The following ATXN1 variants were observed in gnomAD, a reference collection of about 807,000 sequenced individuals.
ATXN1 encodes ataxin 1.
A neutral mutation model predicts 56.4 loss-of-function variants in ATXN1; 8 were observed. That is an observed-to-expected ratio of 0.14 (90% confidence interval 0.08 to 0.26). The LOEUF (loss-of-function observed/expected upper bound fraction) is 0.26, where lower values mean the gene tolerates loss of function less well. Ranked by LOEUF, ATXN1 falls within the 10% of genes least tolerant of loss-of-function variation. The pLI, the probability that ATXN1 is intolerant of heterozygous loss-of-function variation, is 1.00. For missense variants in ATXN1, 987 were observed against 1,106.5 expected, an observed-to-expected ratio of 0.89 and a Z score of 1.53; for synonymous variants, 514 against 494.6, an observed-to-expected ratio of 1.04 and a Z score of -0.52.
intron 6 of ATXN1, among the ~76,000 whole-genome samples, chr6:16,403,148 CAGAA>C (rs956383700): frequency 6.6e-6 from 1 of 152,308 alleles, no homozygotes; most frequent in East Asian, 1.9e-4. Flanking sequence ...CACATACACT[CAGAA>C]AGACTGGGAC....
intron 5 of ATXN1, among the ~76,000 whole-genome samples, chr6:16,502,345 G>C (rs1760901387): frequency 6.6e-6 from 1 of 152,146 alleles, no homozygotes; most frequent in African/African-American, 2.4e-5. Flanking sequence ...AAATACACTT[G>C]ACAGCCAATC....
chr6:16,712,964 A>G (rs1475950691), intron 2 of ATXN1, among the ~76,000 whole-genome samples: 1 of 152,232 alleles, frequency 6.6e-6, no homozygotes, highest in East Asian at 1.9e-4. Flanking sequence ...AGCTGGCCTC[A>G]GGAACCAGAG....
intron 1 of ATXN1, among the ~76,000 whole-genome samples, chr6:16,758,472 G>A (rs117210970): frequency 2.6e-5 from 4 of 152,346 alleles, no homozygotes; most frequent in East Asian, 3.9e-4. Context: ...CACCTAGGAA[G>A]AACAGCTTGT....
chr6:16,415,951 G>A (rs1267543976), intron 6 of ATXN1, among the ~76,000 whole-genome samples: 1 of 152,000 alleles, frequency 6.6e-6, no homozygotes, highest in Non-Finnish European at 1.5e-5. Flanking sequence ...ATTTTTAATC[G>A]TTTTTTTCCC....
intron 6 of ATXN1, among the ~76,000 whole-genome samples, chr6:16,458,225 C>G (rs1421987234): frequency 2.0e-5 from 3 of 152,156 alleles, no homozygotes; most frequent in Non-Finnish European, 4.4e-5. Flanking sequence ...CCACTGGGAC[C>G]TAGACTCAGA....
chr6:16,373,375 G>A (rs750615074), intron 6 of ATXN1, among the ~76,000 whole-genome samples: 1 of 152,146 alleles, frequency 6.6e-6, no homozygotes, highest in Non-Finnish European at 1.5e-5. Context: ...TGGTTAACAA[G>A]CAATCATTAG....
chr6:16,421,783 C>T (rs150063216), intron 6 of ATXN1, among the ~76,000 whole-genome samples: 11 of 151,870 alleles, frequency 7.2e-5, no homozygotes, highest in African/African-American at 1.2e-4. Context: ...CATGTGCAGG[C>T]GTTGATATGC....
intron 2 of ATXN1, among the ~76,000 whole-genome samples, chr6:16,725,342 C>A (rs1581396253): frequency 6.6e-6 from 1 of 152,068 alleles, no homozygotes; most frequent in African/African-American, 2.4e-5. Context: ...TTTGTTATTG[C>A]GAGTTCCTTA....
At chr6:16,734,394 G>C (rs1271148886) in intron 2 of ATXN1, among the ~76,000 whole-genome samples, 2 of 152,148 alleles carry the variant, frequency 1.3e-5, no homozygotes, top group African/African-American at 2.4e-5. Context: ...ATGATGGTGC[G>C]AGAAAAGAAG....
chr6:16,426,154 T>C (rs1759148913), intron 6 of ATXN1, among the ~76,000 whole-genome samples: 1 of 152,122 alleles, frequency 6.6e-6, no homozygotes, highest in Non-Finnish European at 1.5e-5. Flanking sequence ...GCAAACCTTT[T>C]GAGGACAGAA....
chr6:16,386,528 C>A (rs1015857459), intron 6 of ATXN1, among the ~76,000 whole-genome samples: 3 of 152,138 alleles, frequency 2.0e-5, no homozygotes, highest in Non-Finnish European at 2.9e-5. Context: ...TATGATAAAA[C>A]CAATACATTA....
chr6:16,683,134 T>C (rs1758848867), intron 2 of ATXN1, among the ~76,000 whole-genome samples: 1 of 152,216 alleles, frequency 6.6e-6, no homozygotes, highest in Admixed American at 6.5e-5. Context: ...AAAATAGTTA[T>C]TTACCAAAGA....
intron 3 of ATXN1, among the ~76,000 whole-genome samples, chr6:16,593,724 T>C (rs1186213534): frequency 6.6e-6 from 1 of 152,060 alleles, no homozygotes; most frequent in Non-Finnish European, 1.5e-5. Context: ...TTTCACACAA[T>C]ATTGTTTCTA....
In ATXN1 at chr6:16,440,648, A is replaced by AAAAAAAAAAAAAAAAAAAAAAAAGAAAG. The variant is rs748929817; in HGVS notation, c.-161+45323_-161+45324insCTTTCTTTTTTTTTTTTTTTTTTTTTTT. Reference sequence around the variant, plus strand: ...AGAGTGAGACCCTGTCTTAAAAAAAAAAAAGAAAAGAAAAGAAAAAATTAA... The same window carrying AAAAAAAAAAAAAAAAAAAAAAAAGAAAG: ...AGAGTGAGACCCTGTCTTAAAAAAAAAAAAAAAAAAAAAAAAAAAAAAAGAAAGAAAAGAAAAGAAAAGAAAAAATTAA... On this transcript the variant is annotated intron_variant, in intron 6 of 7. Coordinates refer to ENST00000436367, the MANE Select transcript of ATXN1 (RefSeq NM_001128164.2). Among the ~76,000 whole-genome samples, 102 of 118,516 alleles carry AAAAAAAAAAAAAAAAAAAAAAAAGAAAG rather than the reference A, an allele frequency of 8.6e-4. 2 individuals carry two copies. The highest frequency in any genetic ancestry group is 2.5e-3 in the African/African-American group (70 of 28,018). 77.8% of individuals were successfully genotyped at this position (118,516 alleles called of 152,430 possible).
chr6:16,674,007 T>C (rs1758601674), intron 2 of ATXN1, among the ~76,000 whole-genome samples: 1 of 152,160 alleles, frequency 6.6e-6, no homozygotes, highest in East Asian at 1.9e-4. Flanking sequence ...GTCTGTGTTC[T>C]CTCCATCAGT....
At chr6:16,725,131 T>A (rs981536665) in intron 2 of ATXN1, among the ~76,000 whole-genome samples, 2 of 152,230 alleles carry the variant, frequency 1.3e-5, no homozygotes, top group Non-Finnish European at 2.9e-5. Flanking sequence ...TATAACATGA[T>A]CCCTTGGAAA....
chr6:16,531,908 C>T (rs1487891783), intron 4 of ATXN1, among the ~76,000 whole-genome samples: 2 of 152,158 alleles, frequency 1.3e-5, no homozygotes, highest in Non-Finnish European at 2.9e-5. Flanking sequence ...ATTATATATA[C>T]GGTTCTAAAA....
intron 7 of ATXN1, among the ~76,000 whole-genome samples, chr6:16,318,964 C>A (rs1386863916): frequency 2.0e-5 from 3 of 152,146 alleles, no homozygotes; most frequent in Non-Finnish European, 2.9e-5. Flanking sequence ...TCCCTGTAAT[C>A]CCAGCACTTT....
chr6:16,474,145 C>A (rs1335102839), intron 6 of ATXN1, among the ~76,000 whole-genome samples: 1 of 152,242 alleles, frequency 6.6e-6, no homozygotes, highest in Non-Finnish European at 1.5e-5. Context: ...TTCCAACATG[C>A]CATGTTCTCT....
Sources: gnomAD v4.1 joint callset for allele counts (sites outside exome capture counted in the v4.1 genomes callset) on GRCh38, gnomAD v4.1.1 for gene constraint, MANE v1.5 for transcripts, NCBI Gene and HGNC (gene_info 2026-07-23, HGNC 2026-07-21) for gene names.